EIF4E3: variants seen among roughly 807,000 people sequenced by gnomAD.
EIF4E3 encodes the protein eukaryotic translation initiation factor 4E family member 3, also known as eukaryotic translation initiation factor 4E type 3.
EIF4E3 carries 26 observed loss-of-function variants against 31.7 expected under a neutral mutation model. The observed-to-expected ratio is 0.82, with a 90% confidence interval of 0.60 to 1.14. EIF4E3 has a LOEUF of 1.14. EIF4E3 is among the 50% of genes most tolerant of loss of function. The pLI, the probability that EIF4E3 is intolerant of heterozygous loss-of-function variation, is 0.00. For synonymous variants in EIF4E3, 128 were observed against 107.7 expected, an observed-to-expected ratio of 1.19 and a Z score of -1.17; for missense variants, 304 against 270.9, an observed-to-expected ratio of 1.12 and a Z score of -0.86.
the EIF4E3 span, among the ~76,000 whole-genome samples, chr3:71,666,765 C>T: frequency 2.0e-4 from 31 of 151,964 alleles, no homozygotes; most frequent in African/African-American, 6.5e-4. Context: ...GGTGAAACCC[C>T]GTCTCTACTA....
intron 1 of EIF4E3, among the ~76,000 whole-genome samples, chr3:71,745,808 AAAAG>A: frequency 6.6e-6 from 1 of 152,232 alleles, no homozygotes; most frequent in Non-Finnish European, 1.5e-5. Flanking sequence ...AATATAATGC[AAAAG>A]AAAGGGGCCA....
At chr3:71,722,608 C>G (rs773820947) in intron 1 of EIF4E3, among the ~76,000 whole-genome samples, 4 of 152,218 alleles carry the variant, frequency 2.6e-5, no homozygotes, top group Non-Finnish European at 5.9e-5. Flanking sequence ...AAATCCTTAA[C>G]CATACAGTCT....
rs2048935294 is a variant in EIF4E3 at position 71,682,454 on chromosome 3, T to G, written c.*2228A>C. 1.3e-5 allele frequency: 2 copies of G among 152,262 alleles called. No homozygotes were observed. Among genetic ancestry groups the G allele is most frequent in the African/African-American group, 2.4e-5 (1 of 41,470 alleles). 9.4% of individuals were successfully genotyped at this position (152,262 alleles called of 1,614,324 possible). ...TAGCTTCTTTAATCTAAGAAGGTAA[T>G]GAGAGGTTTTTAAACTGATTAAATC... On this transcript the variant is annotated 3_prime_UTR_variant, in exon 7 of 7. Coordinates refer to ENST00000425534, the MANE Select transcript of EIF4E3 (RefSeq NM_001134651.2).
Position 71,676,184 on chromosome 3 carries a change from A to G in EIF4E3, c.*8498T>C, listed in dbSNP as rs796843479. On this transcript the variant is annotated 3_prime_UTR_variant, in exon 7 of 7. Transcript: ENST00000425534. ...TGTCATTTTGCACTCATCATTTAAAAGACTTACAAATAAGTTTTCTGAACC... is the reference window on the plus strand; with the variant it reads ...TGTCATTTTGCACTCATCATTTAAAGGACTTACAAATAAGTTTTCTGAACC... 37 of 152,368 alleles carry G rather than the reference A, an allele frequency of 2.4e-4. No homozygotes were observed. Among genetic ancestry groups the G allele is most frequent in the African/African-American group, 7.9e-4 (33 of 41,592 alleles). The allele number at this position is 152,368 out of a possible 1,614,324, so 9.4% of individuals were successfully genotyped here. A position where few individuals can be genotyped will look rare whatever the true frequency, so the allele number is the denominator to read the frequency against.
chr3:71,725,446 C>CCGCCCCGCCCCGCG (rs1348302272), upstream of EIF4E3: 21 of 860,842 alleles, frequency 2.4e-5, no homozygotes, highest in African/African-American at 2.4e-4. This position sits in a 1 kb window ranked among gnomAD's most constrained non-coding sequence, Gnocchi z 6.1. Context: ...GGCCCCCGCC[C>CCGCCCCGCCCCGCG]CGCCCCGCCC....
chr3:71,703,581 C>T (rs1441382190), intron 2 of EIF4E3, among the ~76,000 whole-genome samples: 2 of 152,074 alleles, frequency 1.3e-5, no homozygotes, highest in Non-Finnish European at 2.9e-5. Context: ...TCTGATAGCA[C>T]TGATTGGAGC....
chr3:71,665,643 A>T, the EIF4E3 span, among the ~76,000 whole-genome samples: 3 of 152,326 alleles, frequency 2.0e-5, no homozygotes, highest in East Asian at 5.8e-4. Context: ...AAATCAATAG[A>T]ATATACATTC....
the EIF4E3 span, among the ~76,000 whole-genome samples, chr3:71,669,867 T>C: frequency 6.6e-6 from 1 of 152,198 alleles, no homozygotes; most frequent in Non-Finnish European, 1.5e-5. Context: ...ACACATACTT[T>C]CTAGCAAAAT....
intron 1 of EIF4E3, among the ~76,000 whole-genome samples, chr3:71,711,794 T>C (rs561466138): frequency 6.6e-6 from 1 of 152,244 alleles, no homozygotes. Context: ...ATGGCCAACA[T>C]GGTGAAAACC....
intron 1 of EIF4E3, among the ~76,000 whole-genome samples, chr3:71,713,930 G>A (rs542341883): frequency 1.4e-4 from 22 of 152,210 alleles, no homozygotes; most frequent in African/African-American, 5.3e-4. Context: ...GGAGATATGG[G>A]CTGGGCACAG....
chr3:71,734,564 A>G (rs1287134063), intron 1 of EIF4E3, among the ~76,000 whole-genome samples: 1 of 152,150 alleles, frequency 6.6e-6, no homozygotes, highest in African/African-American at 2.4e-5. Context: ...GATGCAAATA[A>G]TTTCCTATTT....
At chr3:71,729,584 C>T (rs1426004038), upstream of EIF4E3, among the ~76,000 whole-genome samples, 3 of 152,186 alleles carry the variant, frequency 2.0e-5, no homozygotes, top group East Asian at 5.8e-4. Context: ...GTCTCTATCT[C>T]TCGAGTTATC....
chr3:71,731,666 C>T (rs1001989779), intron 1 of EIF4E3, among the ~76,000 whole-genome samples: 3 of 152,202 alleles, frequency 2.0e-5, no homozygotes, highest in African/African-American at 7.2e-5. Context: ...GAGTCTGTGA[C>T]TTTGTCTCCT....
At chr3:71,730,780 G>C (rs1026745255) in intron 1 of EIF4E3, among the ~76,000 whole-genome samples, 8 of 151,998 alleles carry the variant, frequency 5.3e-5, no homozygotes, top group Admixed American at 2.0e-4. Context: ...GCCCAGGCTG[G>C]AGTGGAGTGG....
rs2049901898 is a variant in EIF4E3, at chr3:71,749,137, T to C, written c.-291+4326A>G. The stretch of plus-strand genomic sequence containing the variant: ...CACCTTGTGCTACACTCTTTGTAAA[T>C]GAATCTCATTTAATTGAATCTTCCC... On this transcript the variant is annotated intron_variant, in intron 1 of 7. Transcript: ENST00000295612. 5.9e-5 allele frequency among the ~76,000 whole-genome samples: 9 copies of C among 152,382 alleles called. No individual in the cohort carries two copies. The South Asian group carries it at 1.9e-3, about 32-fold the overall frequency.
chr3:71,721,209 T>C (rs2049543113), intron 1 of EIF4E3, among the ~76,000 whole-genome samples: 1 of 152,190 alleles, frequency 6.6e-6, no homozygotes, highest in Non-Finnish European at 1.5e-5. Context: ...GTGAAGTCAC[T>C]GCGGGTAGAA....
downstream of EIF4E3, among the ~76,000 whole-genome samples, chr3:71,673,880 T>C (rs2048858494): frequency 6.8e-6 from 1 of 148,094 alleles, no homozygotes; most frequent in Admixed American, 6.8e-5. Context: ...TCCTTTAAGG[T>C]AGCCAGGATT....
At position 71,678,629 on chromosome 3, in the gene EIF4E3, G is replaced by C. The variant is rs2048891994; in HGVS notation, c.*6053C>G. Reference sequence around the variant, plus strand: ...TTCAGTCTGACCTTAAAAATACTGAGCAAATCACTAGATGAAGCCAGATCA... The same window carrying C: ...TTCAGTCTGACCTTAAAAATACTGACCAAATCACTAGATGAAGCCAGATCA... On this transcript the variant is annotated 3_prime_UTR_variant, in exon 7 of 7. Transcript: ENST00000425534. 6.6e-6 allele frequency: 1 copy of C among 151,920 alleles called. No homozygotes were observed. The highest frequency in any genetic ancestry group is 1.9e-4 in the East Asian group (1 of 5,190). 9.4% of individuals were successfully genotyped at this position (151,920 alleles called of 1,614,324 possible).
intron 4 of EIF4E3, among the ~76,000 whole-genome samples, chr3:71,694,515 A>G (rs1287336845): frequency 6.6e-6 from 1 of 152,144 alleles, no homozygotes; most frequent in East Asian, 1.9e-4. Flanking sequence ...TTTCCCTGGA[A>G]GATTCAGTGC....
Sources: gnomAD v4.1 joint callset for allele counts (sites outside exome capture counted in the v4.1 genomes callset) on GRCh38, gnomAD v4.1.1 for gene constraint, Gnocchi (gnomAD v3.1) non-coding constraint, MANE v1.5 for transcripts, NCBI Gene and HGNC (gene_info 2026-07-23, HGNC 2026-07-21) for gene names.